GJC1: variants seen among roughly 807,000 people sequenced by gnomAD.
GJC1 encodes gap junction gamma-1 protein.
In GJC1, 5 loss-of-function variants were observed where a neutral mutation model predicts 29.3. The observed-to-expected ratio is 0.17, with a 90% CI of 0.09 to 0.36. The LOEUF (loss-of-function observed/expected upper bound fraction) is 0.36. Among genes scored for constraint, GJC1 ranks in the 10% least tolerant of loss-of-function variants. GJC1 has a pLI of 1.00. For missense variants in GJC1, 310 were observed against 496.2 expected (o/e 0.62, Z 3.56); for synonymous variants, 177 against 183.3 (o/e 0.97, Z 0.28).
At chr17:44,823,248 GTTTT>G (rs10710605) in intron 1 of GJC1, among the ~76,000 whole-genome samples, 2 of 117,832 alleles carry the variant, frequency 1.7e-5, no homozygotes, top group Non-Finnish European at 1.7e-5. Context: ...TTTCTTTCCT[GTTTT>G]TTTTTTTTTT....
intron 1 of GJC1, among the ~76,000 whole-genome samples, chr17:44,818,695 T>C (rs1252056922): frequency 6.6e-6 from 1 of 152,044 alleles, no homozygotes; most frequent in East Asian, 1.9e-4. Flanking sequence ...CTCAGGAGGC[T>C]GAGGCAGGAG....
In GJC1 at chr17:44,804,389, G is replaced by C; in HGVS notation, c.*238C>G. ...TGTCTGTTCTTCTCCAGATCTGGAA[G>C]ACACAAATGTAAAGTTCTGCAACTG... On this transcript the variant is annotated 3_prime_UTR_variant, in exon 3 of 3. Coordinates refer to ENST00000592524, the MANE Select transcript of GJC1 (RefSeq NM_005497.4). 1 of 473,516 alleles carries C rather than the reference G, an allele frequency of 2.1e-6. No individual in the cohort carries two copies. The highest frequency in any genetic ancestry group is 3.7e-6 in the Non-Finnish European group (1 of 269,296). The allele number at this position is 473,516 out of a possible 1,614,324, so 29.3% of individuals were successfully genotyped here.
chr17:44,821,935 C>T (rs1345752098), intron 1 of GJC1, among the ~76,000 whole-genome samples: 1 of 151,770 alleles, frequency 6.6e-6, no homozygotes. Flanking sequence ...CGGTGGCTAA[C>T]ACCTGTAATC....
At chr17:44,807,283 G>GCC (rs1157286540) in intron 2 of GJC1, 111 bp downstream of exon 2, 2 of 152,116 alleles carry the variant, frequency 1.3e-5, no homozygotes, top group African/African-American at 4.8e-5. Context: ...CCCCAATAAA[G>GCC]CCCCGACACA....
At chr17:44,816,789 G>T (rs922866232) in intron 1 of GJC1, among the ~76,000 whole-genome samples, 4 of 152,014 alleles carry the variant, frequency 2.6e-5, no homozygotes, top group Admixed American at 1.3e-4. Flanking sequence ...ACAGGTGTGA[G>T]CTACCGCGCC....
intron 1 of GJC1, among the ~76,000 whole-genome samples, chr17:44,826,687 T>A (rs1221218797): frequency 6.6e-6 from 1 of 152,308 alleles, no homozygotes; most frequent in South Asian, 2.1e-4. Context: ...AATTCAAGAA[T>A]GTATAACTGT....
At chr17:44,823,750 C>T (rs558986069) in intron 1 of GJC1, among the ~76,000 whole-genome samples, 6 of 148,560 alleles carry the variant, frequency 4.0e-5, no homozygotes, top group Admixed American at 6.8e-5. Flanking sequence ...CTTGTTCTGT[C>T]GCCTAGCCTG....
At chr17:44,825,080 C>T (rs886092559) in intron 1 of GJC1, among the ~76,000 whole-genome samples, 1 of 139,158 alleles carries the variant, frequency 7.2e-6, no homozygotes, top group Non-Finnish European at 1.5e-5. Context: ...GGCGTGGTGG[C>T]GGTGTGGGCC....
chr17:44,804,712 T>C lies in GJC1; in HGVS notation c.1106A>G (p.Lys369Arg). Residue 369 changes from lysine (K) to arginine (R), a missense_variant, in exon 3 of 3, where the codon AAG (lysine) becomes AGG (arginine). By Grantham distance (26) the Lys-to-Arg change is conservative (BLOSUM62 2). Transcript: ENST00000592524. ...QNNPHGPREK[K>R]AKVGSKAGSN... ...CCCAGCTTTGGACCCCACTTTGGCCTTCTTCTCCCGGGGACCATGAGGGTT... is the reference window on the plus strand; with the variant it reads ...CCCAGCTTTGGACCCCACTTTGGCCCTCTTCTCCCGGGGACCATGAGGGTT... 6.2e-7 allele frequency: 1 copy of C among 1,614,228 alleles called. No individual in the cohort carries two copies. Among genetic ancestry groups the C allele is most frequent in the Non-Finnish European group, 8.5e-7 (1 of 1,180,036 alleles).
intron 1 of GJC1, among the ~76,000 whole-genome samples, chr17:44,826,166 C>T (rs1402539101): frequency 2.0e-5 from 3 of 152,172 alleles, no homozygotes; most frequent in African/African-American, 7.2e-5. Context: ...AGGTGATCCA[C>T]CCGCCTTGGC....
At position 44,804,516 on chromosome 17, in the gene GJC1, C is replaced by G; in HGVS notation, c.*111G>C. On this transcript the variant is annotated 3_prime_UTR_variant, in exon 3 of 3. Transcript: ENST00000592524. ...CCCCTGAGCTTGGATCATGAGCCAA[C>G]AGCATCCCTGAAGATAACCAGAGCC... is the stretch of plus-strand genomic sequence containing the variant. 2.3e-6 allele frequency: 2 copies of G among 871,032 alleles called. No homozygotes were observed. Among genetic ancestry groups the G allele is most frequent in the Non-Finnish European group, 3.6e-6 (2 of 554,346 alleles). 54.0% of individuals were successfully genotyped at this position (871,032 alleles called of 1,614,324 possible).
rs2049839976 is a variant in GJC1, at chr17:44,801,144, G to C, written c.*3483C>G. 1 of 152,004 alleles carries C rather than the reference G, an allele frequency of 6.6e-6. No individual in the cohort carries two copies. Among genetic ancestry groups the C allele is most frequent in the South Asian group, 2.1e-4 (1 of 4,812 alleles). The allele number at this position is 152,004 out of a possible 1,614,324, so 9.4% of individuals were successfully genotyped here. A position where few individuals can be genotyped will look rare whatever the true frequency, so the allele number is the denominator to read the frequency against. The stretch of plus-strand genomic sequence containing the variant: ...TAAAAATACAAAAAAAATCAGCCTG[G>C]TATGGTGGTGGTGCCTGTAATCCCA... On this transcript the variant is annotated 3_prime_UTR_variant, in exon 3 of 3. Coordinates refer to ENST00000592524, the MANE Select transcript of GJC1 (RefSeq NM_005497.4).
chr17:44,811,140 G>A (rs781224717), intron 1 of GJC1, among the ~76,000 whole-genome samples: 2 of 151,846 alleles, frequency 1.3e-5, no homozygotes, highest in Non-Finnish European at 2.9e-5. Flanking sequence ...GGAGTGCAAT[G>A]GCACGATCTC....
chr17:44,805,920 C>A lies in GJC1; in HGVS notation c.-20-83G>T, dbSNP rs1194990001. The A allele has an allele frequency of 4.4e-6, 3 of 675,238 alleles. No individual in the cohort carries two copies. The highest frequency in any genetic ancestry group is 7.5e-6 in the Non-Finnish European group (3 of 401,218). The allele number at this position is 675,238 out of a possible 1,614,324, so 41.8% of individuals were successfully genotyped here. A position where few individuals can be genotyped will look rare whatever the true frequency, so the allele number is the denominator to read the frequency against. On this transcript the variant is annotated intron_variant, in intron 2 of 2. Coordinates refer to ENST00000592524, the MANE Select transcript of GJC1 (RefSeq NM_005497.4). The surrounding 1 kb of genome is among the most constrained non-coding windows in gnomAD (Gnocchi z 5.1). ...TTACTAATTATGATATCTCTAGGAA[C>A]TACTGCTTTGAATACTTGAAATCTA...
intron 1 of GJC1, among the ~76,000 whole-genome samples, chr17:44,809,556 A>G (rs924714249): frequency 1.4e-4 from 22 of 152,058 alleles, no homozygotes; most frequent in Non-Finnish European, 2.8e-4. Flanking sequence ...TCCATCCACA[A>G]AGATAAATGT....
intron 1 of GJC1, among the ~76,000 whole-genome samples, chr17:44,822,862 C>A (rs929827111): frequency 6.6e-6 from 1 of 151,828 alleles, no homozygotes; most frequent in Non-Finnish European, 1.5e-5. Context: ...AAAAATGTGG[C>A]AGTATTCAAA....
rs1458954190 is a variant in GJC1, at chr17:44,803,022, TTTC to T, written c.*1602_*1604del. 6.6e-6 allele frequency: 1 copy of T among 152,126 alleles called. No homozygotes were observed. The highest frequency in any genetic ancestry group is 2.4e-5 in the African/African-American group (1 of 41,420). 9.4% of individuals were successfully genotyped at this position (152,126 alleles called of 1,614,324 possible). ...TGTCTCAAAAAAAAATTTCCTTAAG[TTTC>T]TTTTTTTTGGTGGGGGTAGGAATGC... On this transcript the variant is annotated 3_prime_UTR_variant, in exon 3 of 3. Transcript: ENST00000592524.
chr17:44,811,502 T>C (rs2049981335), intron 1 of GJC1, among the ~76,000 whole-genome samples: 1 of 149,640 alleles, frequency 6.7e-6, no homozygotes, highest in African/African-American at 2.5e-5. Flanking sequence ...TCCTCTCACC[T>C]CAGCCTCCCA....
chr17:44,802,659 T>C lies in GJC1; in HGVS notation c.*1968A>G, dbSNP rs76725776. 14 of 152,022 alleles carry C rather than the reference T, an allele frequency of 9.2e-5. No individual in the cohort carries two copies. Among genetic ancestry groups the C allele is most frequent in the Non-Finnish European group, 1.9e-4 (13 of 68,016 alleles). The allele number at this position is 152,022 out of a possible 1,614,324, so 9.4% of individuals were successfully genotyped here. On this transcript the variant is annotated 3_prime_UTR_variant, in exon 3 of 3. Coordinates refer to ENST00000592524, the MANE Select transcript of GJC1 (RefSeq NM_005497.4). ...AGGCTAAAATTTAAAGATTTTTTTTTAAAAAAGCAAATAAAAGTAAATGAA... is the reference window on the plus strand; with the variant it reads ...AGGCTAAAATTTAAAGATTTTTTTTCAAAAAAGCAAATAAAAGTAAATGAA...
Sources: gnomAD v4.1 joint callset for allele counts (sites outside exome capture counted in the v4.1 genomes callset) on GRCh38, gnomAD v4.1.1 for gene constraint, Gnocchi (gnomAD v3.1) non-coding constraint, MANE v1.5 for transcripts, NCBI Gene and HGNC (gene_info 2026-07-23, HGNC 2026-07-21) for gene names.